The following PRMT8 variants were observed in gnomAD, a reference collection of about 807,000 sequenced individuals.
PRMT8 encodes protein arginine N-methyltransferase 8.
Under a neutral mutation model 47.1 loss-of-function variants are expected in PRMT8, and 7 were observed. The ratio of observed to expected loss-of-function variants is 0.15; its 90% confidence interval spans 0.08 to 0.28. The LOEUF (loss-of-function observed/expected upper bound fraction) is 0.28, where lower values mean the gene tolerates loss of function less well. Ranked by LOEUF, PRMT8 falls within the 10% of genes least tolerant of loss-of-function variation. PRMT8 has a pLI of 1.00. For missense variants in PRMT8, 237 were observed against 505.4 expected, an observed-to-expected ratio of 0.47 and a Z score of 5.09; for synonymous variants, 188 against 186.5, an observed-to-expected ratio of 1.01 and a Z score of -0.07.
intron 1 of PRMT8, among the ~76,000 whole-genome samples, chr12:3,532,489 G>A (rs1191802814): frequency 6.7e-6 from 1 of 150,128 alleles, no homozygotes; most frequent in Non-Finnish European, 1.5e-5. Flanking sequence ...GCGGGTGCCT[G>A]TAGTCCCAGC....
At chr12:3,425,869 C>G (rs763977192) in intron 1 of PRMT8, among the ~76,000 whole-genome samples, 1 of 152,266 alleles carries the variant, frequency 6.6e-6, no homozygotes, top group Non-Finnish European at 1.5e-5. Context: ...ACCACACATC[C>G]GCTCAGGGAT....
intron 1 of PRMT8, 71 bp downstream of exon 1, chr12:3,491,771 G>T: frequency 6.5e-7 from 1 of 1,541,394 alleles, no homozygotes; most frequent in South Asian, 1.2e-5. Context: ...CGCCGCCGCC[G>T]CTCAGCGCCG....
At chr12:3,449,653 T>C (rs984285023) in intron 1 of PRMT8, among the ~76,000 whole-genome samples, 1 of 152,232 alleles carries the variant, frequency 6.6e-6, no homozygotes, top group African/African-American at 2.4e-5. Flanking sequence ...GATGGATAGA[T>C]TGCAAACTTT....
intron 8 of PRMT8, among the ~76,000 whole-genome samples, chr12:3,589,138 A>G (rs899851898): frequency 3.9e-5 from 6 of 152,196 alleles, no homozygotes; most frequent in Middle Eastern, 3.2e-3. Flanking sequence ...CATGGGCCTA[A>G]TATGTTTTAG....
At chr12:3,516,837 A>G (rs1243200374) in intron 1 of PRMT8, among the ~76,000 whole-genome samples, 1 of 152,074 alleles carries the variant, frequency 6.6e-6, no homozygotes, top group Non-Finnish European at 1.5e-5. Flanking sequence ...ATCCAAACCA[A>G]AAAACTTTCA....
chr12:3,526,686 A>G (rs1024676609), intron 1 of PRMT8, among the ~76,000 whole-genome samples: 6 of 152,214 alleles, frequency 3.9e-5, no homozygotes, highest in Admixed American at 1.3e-4. Context: ...AATTCCAAAC[A>G]TAACAATTGG....
At chr12:3,561,432 G>A (rs1866634840) in intron 4 of PRMT8, among the ~76,000 whole-genome samples, 1 of 152,182 alleles carries the variant, frequency 6.6e-6, no homozygotes, top group African/African-American at 2.4e-5. Flanking sequence ...CAAACCAAGA[G>A]TCACATGTTT....
intron 1 of PRMT8, among the ~76,000 whole-genome samples, chr12:3,396,961 T>C (rs1216354382): frequency 6.6e-6 from 1 of 151,994 alleles, no homozygotes; most frequent in Non-Finnish European, 1.5e-5. Flanking sequence ...ATTTCATTCA[T>C]TTCATCTTCC....
At position 3,491,832 on chromosome 12, in the gene PRMT8, CTGTGTG is replaced by C. The variant is rs531683101; in HGVS notation, c.75+184_75+189del. 2,862 of 536,100 alleles carry C rather than the reference CTGTGTG, an allele frequency of 5.3e-3. 160 individuals carry two copies. Among genetic ancestry groups the C allele is most frequent in the African/African-American group, 0.031 (592 of 19,228 alleles). 33.2% of individuals were successfully genotyped at this position (536,100 alleles called of 1,614,324 possible). On this transcript the variant is annotated intron_variant, in intron 1 of 9. Transcript: ENST00000382622. The stretch of plus-strand genomic sequence containing the variant: ...CCCGCTCGCTTCTGCCGGCCTCCTC[CTGTGTG>C]TGTGTGTGTGTGTGTGTGTGTGTGT...
intron 6 of PRMT8, among the ~76,000 whole-genome samples, chr12:3,573,081 CCTGATTAT>C (rs1283577345): frequency 1.3e-5 from 2 of 152,030 alleles, no homozygotes; most frequent in African/African-American, 4.8e-5. Flanking sequence ...TTTTTTTCTG[CCTGATTAT>C]CTTTCTCCCC....
intron 1 of PRMT8, among the ~76,000 whole-genome samples, chr12:3,403,412 G>A (rs1864338326): frequency 6.6e-6 from 1 of 151,148 alleles, no homozygotes; most frequent in Non-Finnish European, 1.5e-5. Flanking sequence ...AACCACCAGG[G>A]CACACGTTTA....
rs1010744265 is a variant in PRMT8, at chr12:3,570,680, C to T, written c.712+1116C>T. 2.0e-5 allele frequency among the ~76,000 whole-genome samples: 3 copies of T among 152,208 alleles called. No individual in the cohort carries two copies. Among genetic ancestry groups the T allele is most frequent in the Admixed American group, 6.5e-5 (1 of 15,288 alleles). On this transcript the variant is annotated intron_variant, in intron 6 of 9. Coordinates refer to ENST00000382622, the MANE Select transcript of PRMT8 (RefSeq NM_019854.5). This position sits in a 1 kb window ranked among gnomAD's most constrained non-coding sequence, Gnocchi z 5.5. ...TGGCACTGATGAAAACTCGGCTGGACTCTGCTATGGATGTGTGTATTTGTG... is the reference window on the plus strand; with the variant it reads ...TGGCACTGATGAAAACTCGGCTGGATTCTGCTATGGATGTGTGTATTTGTG...
At chr12:3,579,600 G>A (rs1031799120) in intron 7 of PRMT8, among the ~76,000 whole-genome samples, 1 of 152,168 alleles carries the variant, frequency 6.6e-6, no homozygotes, top group African/African-American at 2.4e-5. Flanking sequence ...ACGATTGTCT[G>A]TGTTTGCTTC....
chr12:3,395,534 C>A (rs1252449839), intron 1 of PRMT8, among the ~76,000 whole-genome samples: 2 of 151,984 alleles, frequency 1.3e-5, no homozygotes, highest in Non-Finnish European at 2.9e-5. Flanking sequence ...GAGCGAGATT[C>A]TTAATCCTGA....
rs1252925815 is a variant in PRMT8, at chr12:3,550,692, G to A, written c.417+601G>A. ...CTTGTTTTCTTTAGAGGGCAAGTCG[G>A]TCAACTTAAATTCTGTTGCTTTGGC... On this transcript the variant is annotated intron_variant, in intron 3 of 9. Transcript: ENST00000382622. This position sits in a 1 kb window ranked among gnomAD's most constrained non-coding sequence, Gnocchi z 5.1. The A allele has an allele frequency of 6.6e-6, 1 of 152,222 alleles. No homozygotes were observed. The highest frequency in any genetic ancestry group is 1.9e-4 in the East Asian group (1 of 5,188). 9.4% of individuals were successfully genotyped at this position (152,222 alleles called of 1,614,324 possible).
chr12:3,421,559 G>A (rs1864541276), intron 1 of PRMT8, among the ~76,000 whole-genome samples: 1 of 152,148 alleles, frequency 6.6e-6, no homozygotes. Context: ...AAAAGACACG[G>A]TTTTCATATC....
intron 1 of PRMT8, among the ~76,000 whole-genome samples, chr12:3,400,940 A>C (rs1864308505): frequency 6.6e-6 from 1 of 152,104 alleles, no homozygotes; most frequent in African/African-American, 2.4e-5. Flanking sequence ...TGAGGTCAGG[A>C]GTTTGAGACC....
intron 4 of PRMT8, among the ~76,000 whole-genome samples, chr12:3,565,960 C>T (rs946277080): frequency 3.9e-5 from 6 of 152,068 alleles, no homozygotes; most frequent in African/African-American, 1.2e-4. Flanking sequence ...GGTCATGAGG[C>T]CCCGGAGGCA....
At chr12:3,444,238 G>C (rs1864833753) in intron 1 of PRMT8, among the ~76,000 whole-genome samples, 1 of 152,174 alleles carries the variant, frequency 6.6e-6, no homozygotes, top group Non-Finnish European at 1.5e-5. Flanking sequence ...CCTCGTCCCA[G>C]ATGCTTAGTA....
Sources: allele counts gnomAD v4.1 joint callset (sites outside exome capture counted in the v4.1 genomes callset), GRCh38; gene constraint gnomAD v4.1.1; non-coding constraint Gnocchi (gnomAD v3.1); transcripts MANE v1.5; gene names NCBI Gene and HGNC (gene_info 2026-07-23, HGNC 2026-07-21).